The following ZNF765 variants were observed in gnomAD, a reference collection of about 807,000 sequenced individuals.
ZNF765 encodes zinc finger protein 765.
A neutral mutation model predicts 44.7 loss-of-function variants in ZNF765; 37 were observed. The observed-to-expected ratio is 0.83, with a 90% CI of 0.64 to 1.09. The LOEUF (loss-of-function observed/expected upper bound fraction) is 1.09, where lower values mean the gene tolerates loss of function less well. ZNF765 is among the 50% of genes least tolerant of loss of function. The pLI is 0.00. For synonymous variants in ZNF765, 201 were observed against 213.7 expected, an observed-to-expected ratio of 0.94 and a Z score of 0.52; for missense variants, 594 against 626.1, an observed-to-expected ratio of 0.95 and a Z score of 0.55.
Position 53,411,814 on chromosome 19 carries a change from T to C in ZNF765, c.*2687T>C, listed in dbSNP as rs1488218640. ...TAAGTTCTCCAGCCAATGGAAGTGTTTTAAAATTTTCTTTTAAAGTTGTTT... is the reference window on the plus strand; with the variant it reads ...TAAGTTCTCCAGCCAATGGAAGTGTCTTAAAATTTTCTTTTAAAGTTGTTT... On this transcript the variant is annotated 3_prime_UTR_variant, in exon 4 of 4. Transcript: ENST00000396408. 2 of 152,292 alleles carry C rather than the reference T, an allele frequency of 1.3e-5. No individual in the cohort carries two copies. Among genetic ancestry groups the C allele is most frequent in the African/African-American group, 4.8e-5 (2 of 41,458 alleles). 9.4% of individuals were successfully genotyped at this position (152,292 alleles called of 1,614,324 possible).
chr19:53,404,588 G>A (rs2085757886), intron 3 of ZNF765, among the ~76,000 whole-genome samples: 1 of 152,086 alleles, frequency 6.6e-6, no homozygotes, highest in Admixed American at 6.6e-5. Context: ...AAGTAGCTGG[G>A]ACTACAGGCA....
downstream of ZNF765, chr19:53,413,137 C>T (rs908650105): frequency 2.6e-5 from 13 of 501,438 alleles, no homozygotes; most frequent in Admixed American, 3.2e-4. Context: ...AGATGTCAAG[C>T]CTCTTCTCTT....
In ZNF765 at chr19:53,411,944, T is replaced by G. The variant is rs2085837862; in HGVS notation, c.*2817T>G. The G allele has an allele frequency of 6.3e-6, 1 of 157,822 alleles. No homozygotes were observed. The highest frequency in any genetic ancestry group is 1.4e-5 in the Non-Finnish European group (1 of 71,658). 9.8% of individuals were successfully genotyped at this position (157,822 alleles called of 1,614,324 possible). A position where few individuals can be genotyped will look rare whatever the true frequency, so the allele number is the denominator to read the frequency against. ...TCCAGTAGTATTTTGGTTGACTCTT[T>G]GTGATTTTCTGCACAGAAGATCATG... On this transcript the variant is annotated 3_prime_UTR_variant, in exon 4 of 4. Coordinates refer to ENST00000396408, the MANE Select transcript of ZNF765 (RefSeq NM_001040185.3).
At chr19:53,413,928 G>GCCA (rs1342383803), downstream of ZNF765, among the ~76,000 whole-genome samples, 2 of 9,250 alleles carry the variant, frequency 2.2e-4, no homozygotes, top group African/African-American at 5.0e-4. Context: ...TAGCTAGAAA[G>GCCA]ACAAAAAAAA....
At chr19:53,406,704 C>T (rs1050883236) in intron 3 of ZNF765, among the ~76,000 whole-genome samples, 2 of 152,174 alleles carry the variant, frequency 1.3e-5, no homozygotes, top group Non-Finnish European at 2.9e-5. Context: ...CACTTGAGGT[C>T]ATAAGTTCGA....
intron 3 of ZNF765, among the ~76,000 whole-genome samples, chr19:53,418,386 T>C (rs1169295674): frequency 6.6e-6 from 1 of 152,108 alleles, no homozygotes; most frequent in African/African-American, 2.4e-5. Flanking sequence ...TGCACTGTCA[T>C]AGCTGTGACA....
At chr19:53,400,829 T>C (rs1299125444) in intron 2 of ZNF765, among the ~76,000 whole-genome samples, 1 of 148,130 alleles carries the variant, frequency 6.8e-6, no homozygotes, top group Non-Finnish European at 1.5e-5. Flanking sequence ...TAATCTAGTT[T>C]TCATATATTT....
At chr19:53,395,238 C>G (rs1322648144) in intron 1 of ZNF765, 45 bp downstream of exon 1, 2 of 152,258 alleles carry the variant, frequency 1.3e-5, no homozygotes, top group African/African-American at 2.4e-5. Context: ...TTCCCAGGTC[C>G]CTGGCGCTTC....
In ZNF765 at chr19:53,409,777, A is replaced by G; in HGVS notation, c.*650A>G. The G allele has an allele frequency of 1.2e-6, 1 of 819,054 alleles. No individual in the cohort carries two copies. Among genetic ancestry groups the G allele is most frequent in the South Asian group, 1.3e-5 (1 of 75,000 alleles). The allele number at this position is 819,054 out of a possible 1,614,324, so 50.7% of individuals were successfully genotyped here. ...ATCATAGACTTCATACTGGAGAGAT[A>G]CCTTAAAAGTGTAGTGAGTGTGGCA... On this transcript the variant is annotated 3_prime_UTR_variant, in exon 4 of 4. Coordinates refer to ENST00000396408, the MANE Select transcript of ZNF765 (RefSeq NM_001040185.3).
chr19:53,397,145 G>C (rs1047937482), intron 1 of ZNF765, among the ~76,000 whole-genome samples: 37 of 152,322 alleles, frequency 2.4e-4, no homozygotes, highest in African/African-American at 8.2e-4. Context: ...TTTTATTCTT[G>C]CAGTTACTTC....
At position 53,396,267 on chromosome 19, in the gene ZNF765, G is replaced by C. The variant is rs1011018706; in HGVS notation, c.-74+1074G>C. 1.2e-4 allele frequency among the ~76,000 whole-genome samples: 19 copies of C among 152,104 alleles called. 1 individual carries two copies. Among genetic ancestry groups the C allele is most frequent in the African/African-American group, 3.6e-4 (15 of 41,436 alleles). On this transcript the variant is annotated intron_variant, in intron 1 of 3. Coordinates refer to ENST00000396408, the MANE Select transcript of ZNF765 (RefSeq NM_001040185.3). ...GGGGATGAGGGTATAACAGGGAAGA[G>C]AGAATGTAACAGGGAGAGCAGAGGA...
chr19:53,417,868 G>A (rs990665350), intron 3 of ZNF765, among the ~76,000 whole-genome samples: 2 of 123,620 alleles, frequency 1.6e-5, no homozygotes, highest in African/African-American at 5.6e-5. Flanking sequence ...ATCTACTTTG[G>A]GTGGAAAGAC....
intron 1 of ZNF765, among the ~76,000 whole-genome samples, chr19:53,396,225 C>A (rs1247780641): frequency 1.3e-5 from 2 of 151,292 alleles, no homozygotes; most frequent in East Asian, 3.9e-4. Flanking sequence ...ACCTGGGGAT[C>A]TGGGGTGCTA....
exon 4 of ZNF765, chr19:53,426,029 T>C (rs545681199): frequency 1.5e-3 from 225 of 152,420 alleles, no homozygotes; most frequent in Non-Finnish European, 2.5e-3. Flanking sequence ...CGTTATCTCC[T>C]GTCCGGGGAA....
At chr19:53,396,669 T>C (rs1166317738) in intron 1 of ZNF765, among the ~76,000 whole-genome samples, 2 of 152,202 alleles carry the variant, frequency 1.3e-5, no homozygotes, top group Admixed American at 6.5e-5. Context: ...CGTTATCTTA[T>C]AACTGTCCTT....
At chr19:53,405,929 ATATATATATATATATATATAT>A in intron 3 of ZNF765, among the ~76,000 whole-genome samples, 1 of 88,738 alleles carries the variant, frequency 1.1e-5, no homozygotes, top group East Asian at 7.0e-4. Context: ...ATATATATAT[ATATATATATATATATATATAT>A]AAAATTGCTG....
At chr19:53,420,423 A>T (rs181787008) in intron 3 of ZNF765, among the ~76,000 whole-genome samples, 100 of 152,316 alleles carry the variant, frequency 6.6e-4, no homozygotes, top group African/African-American at 2.3e-3. Flanking sequence ...TACAGATTTA[A>T]TTTTTTATAT....
At position 53,407,738 on chromosome 19, in the gene ZNF765, A is replaced by T; in HGVS notation, c.183A>T (p.Thr61=). 1 of 1,573,778 alleles carries T rather than the reference A, an allele frequency of 6.4e-7. No homozygotes were observed. Among genetic ancestry groups the T allele is most frequent in the Non-Finnish European group, 8.6e-7 (1 of 1,162,294 alleles). ...GCATGATGAAGGAGTTCTCGTCAAC[A>T]GCACAAGGCAATAGAGAAGTGTTCC... ...SKCMMKEFSS[T]AQGNREVFHA... Residue 61 remains threonine, a synonymous_variant, in exon 4 of 4, where the codon ACA becomes ACT. Transcript: ENST00000396408.
Position 53,408,680 on chromosome 19 carries a change from A to G in ZNF765, c.1125A>G (p.Arg375=), listed in dbSNP as rs2085802556. 1 of 1,613,148 alleles carries G rather than the reference A, an allele frequency of 6.2e-7. No individual in the cohort carries two copies. The highest frequency in any genetic ancestry group is 1.3e-5 in the African/African-American group (1 of 74,838). ...AGTCACATTTTACATGCCATCATAG[A>G]GTTCATACTGGAGAGAAACCTTACA... is the stretch of plus-strand genomic sequence containing the variant. ...SRKSHFTCHH[R]VHTGEKPYKC... The change falls in exon 4 of 4, where the codon AGA becomes AGG. Residue 375 remains arginine (R), a synonymous_variant. Coordinates refer to ENST00000396408, the MANE Select transcript of ZNF765 (RefSeq NM_001040185.3).
Sources: allele counts gnomAD v4.1 joint callset (sites outside exome capture counted in the v4.1 genomes callset), GRCh38; gene constraint gnomAD v4.1.1; transcripts MANE v1.5; gene names NCBI Gene and HGNC (gene_info 2026-07-23, HGNC 2026-07-21).